IER3IP1: variants seen among roughly 807,000 people sequenced by gnomAD.
IER3IP1 encodes immediate early response 3 interacting protein 1.
In IER3IP1, 16 loss-of-function variants were observed where a neutral mutation model predicts 12.2. The observed-to-expected ratio is 1.31, with a 90% CI of 0.89 to 1.99. The LOEUF is 1.99. Among genes scored for constraint, IER3IP1 ranks in the 30% most tolerant of loss-of-function variants. The pLI, the probability that IER3IP1 is intolerant of heterozygous loss-of-function variation, is 0.00. For synonymous variants in IER3IP1, 42 were observed against 40.0 expected (o/e 1.05, Z -0.19); for missense variants, 95 against 95.8 (o/e 0.99, Z 0.03).
chr18:47,154,847 C>T lies in IER3IP1; in HGVS notation c.*1330G>A, dbSNP rs368986839. On this transcript the variant is annotated 3_prime_UTR_variant, in exon 3 of 3. Transcript: ENST00000256433. ...CTGAAGTCATGAAATAAAAGGTGCT[C>T]ATGAGTCTTCTGGATGTATGTCAGC... 6.6e-5 allele frequency: 10 copies of T among 152,182 alleles called. No individual in the cohort carries two copies. The highest frequency in any genetic ancestry group is 4.2e-4 in the South Asian group (2 of 4,812). 9.4% of individuals were successfully genotyped at this position (152,182 alleles called of 1,614,324 possible).
chr18:47,157,649 T>A, intron 1 of IER3IP1, 112 bp from the exon 2 acceptor site: 2 of 933,226 alleles, frequency 2.1e-6, no homozygotes, highest in Non-Finnish European at 3.5e-6. Context: ...TAGAAAGTCA[T>A]ATGACTTTTA....
intron 1 of IER3IP1, among the ~76,000 whole-genome samples, chr18:47,171,324 C>T (rs1568074362): frequency 1.3e-5 from 2 of 152,064 alleles, no homozygotes; most frequent in Admixed American, 6.5e-5. Flanking sequence ...AGATATAGGT[C>T]GATAGTCTCT....
chr18:47,157,938 T>C (rs2063966816), intron 1 of IER3IP1, among the ~76,000 whole-genome samples: 1 of 152,180 alleles, frequency 6.6e-6, no homozygotes, highest in African/African-American at 2.4e-5. Context: ...ATTTATAAAA[T>C]CCATCACAAT....
At chr18:47,159,162 G>T (rs1453390631) in intron 1 of IER3IP1, among the ~76,000 whole-genome samples, 2 of 152,128 alleles carry the variant, frequency 1.3e-5, no homozygotes, top group South Asian at 2.1e-4. Context: ...GGTCAAAAAG[G>T]AAATGTATAA....
intron 2 of IER3IP1, 135 bp from the exon 3 acceptor site, chr18:47,156,367 C>CA: frequency 1.6e-6 from 1 of 633,578 alleles, no homozygotes; most frequent in Non-Finnish European, 2.8e-6. Context: ...AAAGTTATAA[C>CA]AAAGAAACAT....
intron 1 of IER3IP1, among the ~76,000 whole-genome samples, chr18:47,158,460 G>GA (rs752407397): frequency 1.3e-5 from 2 of 151,924 alleles, no homozygotes; most frequent in Non-Finnish European, 2.9e-5. Context: ...TCCCACCTCG[G>GA]CCTCCCGAGT....
At chr18:47,169,207 C>T (rs2064007139) in intron 1 of IER3IP1, among the ~76,000 whole-genome samples, 1 of 152,170 alleles carries the variant, frequency 6.6e-6, no homozygotes, top group Non-Finnish European at 1.5e-5. Flanking sequence ...TGGTCTTTTA[C>T]GACTAGCTTC....
At chr18:47,157,083 C>G (rs112199776) in intron 2 of IER3IP1, 1 of 232,784 alleles carries the variant, frequency 4.3e-6, no homozygotes, top group Non-Finnish European at 8.4e-6. Flanking sequence ...TAAACCAACA[C>G]GCCCAGCTTT....
rs1487618795 is a variant in IER3IP1 at position 47,155,657 on chromosome 18, T to C, written c.*520A>G. On this transcript the variant is annotated 3_prime_UTR_variant, in exon 3 of 3. Coordinates refer to ENST00000256433, the MANE Select transcript of IER3IP1 (RefSeq NM_016097.5). Reference sequence around the variant, plus strand: ...GTATGTATAAATTTGAATTTATAGCTGAGACAATAGACAAAATAATTAACC... The same window carrying C: ...GTATGTATAAATTTGAATTTATAGCCGAGACAATAGACAAAATAATTAACC... 6.6e-6 allele frequency: 1 copy of C among 152,484 alleles called. No homozygotes were observed. 9.4% of individuals were successfully genotyped at this position (152,484 alleles called of 1,614,324 possible).
intron 1 of IER3IP1, among the ~76,000 whole-genome samples, chr18:47,162,885 TAA>T (rs1192049770): frequency 1.3e-5 from 2 of 151,892 alleles, no homozygotes; most frequent in Non-Finnish European, 2.9e-5. Flanking sequence ...ACTATAAGAA[TAA>T]AAGTCATTTT....
rs2063952765 is a variant in IER3IP1, at chr18:47,154,923, C to T, written c.*1254G>A. On this transcript the variant is annotated 3_prime_UTR_variant, in exon 3 of 3. Transcript: ENST00000256433. Reference sequence around the variant, plus strand: ...AAAAATACATGTAAATATTTACTTTCATTAACTCTATACTCGGCAATTTTA... The same window carrying T: ...AAAAATACATGTAAATATTTACTTTTATTAACTCTATACTCGGCAATTTTA... 1 of 152,140 alleles carries T rather than the reference C, an allele frequency of 6.6e-6. No homozygotes were observed. The highest frequency in any genetic ancestry group is 1.5e-5 in the Non-Finnish European group (1 of 68,026). The allele number at this position is 152,140 out of a possible 1,614,324, so 9.4% of individuals were successfully genotyped here. A position where few individuals can be genotyped will look rare whatever the true frequency, so the allele number is the denominator to read the frequency against.
rs1486989780 is a variant in IER3IP1, at chr18:47,152,907, T to C, written c.*3270A>G. 6.6e-6 allele frequency: 1 copy of C among 152,240 alleles called. No homozygotes were observed. The highest frequency in any genetic ancestry group is 1.5e-5 in the Non-Finnish European group (1 of 68,040). The allele number at this position is 152,240 out of a possible 1,614,324, so 9.4% of individuals were successfully genotyped here. Reference sequence around the variant, plus strand: ...AAGCACATCTAGATACAAACATTAGTGATCTGGAAAAGATATATATATATA... The same window carrying C: ...AAGCACATCTAGATACAAACATTAGCGATCTGGAAAAGATATATATATATA... On this transcript the variant is annotated 3_prime_UTR_variant, in exon 3 of 3. Transcript: ENST00000256433.
chr18:47,158,829 C>T (rs1427942545), intron 1 of IER3IP1, among the ~76,000 whole-genome samples: 5 of 151,768 alleles, frequency 3.3e-5, no homozygotes, highest in African/African-American at 7.3e-5. Context: ...GGTGTGATGG[C>T]GTGCGCCTGT....
intron 1 of IER3IP1, among the ~76,000 whole-genome samples, chr18:47,167,565 A>T (rs1007204695): frequency 2.6e-5 from 4 of 152,212 alleles, no homozygotes; most frequent in Non-Finnish European, 5.9e-5. Context: ...TAAATACACA[A>T]AATTGAGACC....
chr18:47,157,273 GA>G lies in IER3IP1; in HGVS notation c.193+162del, dbSNP rs35638006. The G allele has an allele frequency of 0.069, 34,292 of 495,486 alleles. 76 individuals carry two copies. Among genetic ancestry groups the G allele is most frequent in the Non-Finnish European group, 0.076 (22,483 of 294,920 alleles). The allele number at this position is 495,486 out of a possible 1,614,324, so 30.7% of individuals were successfully genotyped here. A position where few individuals can be genotyped will look rare whatever the true frequency, so the allele number is the denominator to read the frequency against. ...TAGATAGAAGTAAGAAGCAAACTAA[GA>G]AAAAAAAAAAAAAAACCCAGTAACT... On this transcript the variant is annotated intron_variant, in intron 2 of 2. Coordinates refer to ENST00000256433, the MANE Select transcript of IER3IP1 (RefSeq NM_016097.5).
At chr18:47,162,643 G>T (rs1181109665) in intron 1 of IER3IP1, among the ~76,000 whole-genome samples, 1 of 151,554 alleles carries the variant, frequency 6.6e-6, no homozygotes, top group Non-Finnish European at 1.5e-5. Flanking sequence ...AAGAAAATTG[G>T]AGTATAAATC....
At position 47,161,603 on chromosome 18, in the gene IER3IP1, AC is replaced by A. The variant is rs1040343972; in HGVS notation, c.92-4067del. 4.0e-5 allele frequency among the ~76,000 whole-genome samples: 6 copies of A among 151,724 alleles called. No homozygotes were observed. In the South Asian group the frequency reaches 1.3e-3, roughly 32 times the overall value. On this transcript the variant is annotated intron_variant, in intron 1 of 2. Transcript: ENST00000256433. ...ACATTCTAGTTTTATATCCTACCAC[AC>A]CCTTCCAAGTATTCCTATTTGCAGT...
At chr18:47,165,287 T>C (rs1177004316) in intron 1 of IER3IP1, among the ~76,000 whole-genome samples, 2 of 152,194 alleles carry the variant, frequency 1.3e-5, no homozygotes, top group Non-Finnish European at 2.9e-5. Flanking sequence ...GTGTGATGGC[T>C]CACGCCTGTA....
At chr18:47,168,459 G>A (rs761807437) in intron 1 of IER3IP1, among the ~76,000 whole-genome samples, 42 of 152,152 alleles carry the variant, frequency 2.8e-4, no homozygotes, top group Non-Finnish European at 4.7e-4. Context: ...TCAAAACCAT[G>A]AAGGAAGATA....
Sources: gnomAD v4.1 joint callset for allele counts (sites outside exome capture counted in the v4.1 genomes callset) on GRCh38, gnomAD v4.1.1 for gene constraint, MANE v1.5 for transcripts, NCBI Gene and HGNC (gene_info 2026-07-23, HGNC 2026-07-21) for gene names.